The following BEST3 variants were observed in gnomAD, a reference collection of about 807,000 sequenced individuals.
BEST3 encodes the protein bestrophin-3.
Under a neutral mutation model 47.1 loss-of-function variants are expected in BEST3, and 50 were observed. That is an observed-to-expected ratio of 1.06 (90% confidence interval 0.85 to 1.34). The LOEUF (loss-of-function observed/expected upper bound fraction) is 1.34, where lower values mean the gene tolerates loss of function less well. Ranked by LOEUF, BEST3 falls within the 40% of genes most tolerant of loss-of-function variation. The probability of loss-of-function intolerance (pLI) is 0.00; values close to 1 mark genes in which losing one functional copy is unlikely to be tolerated. For missense variants in BEST3, 765 were observed against 817.0 expected (o/e 0.94, Z 0.78); for synonymous variants, 282 against 298.8 (o/e 0.94, Z 0.58).
At chr12:69,682,718 T>C (rs535967624) in intron 4 of BEST3, among the ~76,000 whole-genome samples, 8 of 152,236 alleles carry the variant, frequency 5.3e-5, no homozygotes, top group Non-Finnish European at 1.0e-4. Flanking sequence ...CTGGGTCTAC[T>C]GGCGCATGCC....
chr12:69,682,900 T>G (rs1484656962), intron 4 of BEST3, among the ~76,000 whole-genome samples: 2 of 150,378 alleles, frequency 1.3e-5, no homozygotes, highest in African/African-American at 2.4e-5. Context: ...TGGATGAAGT[T>G]AATAGATAAA....
chr12:69,680,203 A>G (rs1885159388), intron 4 of BEST3, among the ~76,000 whole-genome samples: 1 of 151,888 alleles, frequency 6.6e-6, no homozygotes, highest in African/African-American at 2.4e-5. Flanking sequence ...ACTGAATAAG[A>G]GGAATAAGGT....
chr12:69,673,732 C>T (rs1233808284), intron 7 of BEST3, among the ~76,000 whole-genome samples: 1 of 152,132 alleles, frequency 6.6e-6, no homozygotes, highest in African/African-American at 2.4e-5. Flanking sequence ...GTGTGAGCCA[C>T]TGTGCTTGGC....
intron 9 of BEST3, among the ~76,000 whole-genome samples, chr12:69,656,451 GT>G (rs1883504135): frequency 6.6e-6 from 1 of 151,554 alleles, no homozygotes; most frequent in African/African-American, 2.4e-5. Flanking sequence ...TTAAGGCCAA[GT>G]TTCCCAAGGA....
chr12:69,670,260 A>T, intron 9 of BEST3: 1 of 576,776 alleles, frequency 1.7e-6, no homozygotes, highest in Non-Finnish European at 3.1e-6. Flanking sequence ...GAGGGCAGGG[A>T]TGAGCTCTCT....
chr12:69,655,850 T>A (rs1883457054), intron 9 of BEST3, 37 bp from the exon 10 acceptor site: 1 of 1,551,490 alleles, frequency 6.4e-7, no homozygotes, highest in Admixed American at 1.9e-5. Flanking sequence ...GCAGAGTAGC[T>A]TCGGGGGCCT....
intron 9 of BEST3, chr12:69,670,247 A>G (rs926601089): frequency 3.7e-6 from 2 of 547,890 alleles, no homozygotes; most frequent in Non-Finnish European, 6.5e-6. Context: ...CTGAGAATAC[A>G]CTGAGGGCAG....
chr12:69,680,394 T>A (rs940426350), intron 4 of BEST3, among the ~76,000 whole-genome samples: 1 of 148,282 alleles, frequency 6.7e-6, no homozygotes, highest in Non-Finnish European at 1.5e-5. Flanking sequence ...CTGCAAGCTC[T>A]GCCTCCAGGG....
intron 9 of BEST3, among the ~76,000 whole-genome samples, chr12:69,656,569 G>A (rs1418354492): frequency 1.3e-5 from 2 of 151,936 alleles, no homozygotes; most frequent in South Asian, 4.1e-4. Flanking sequence ...CACCTCCTAT[G>A]CATTGATTCA....
Position 69,680,310 on chromosome 12 carries a change from C to CTTCTTTTTTTTTTTTTTTTTTTTTTTTT in BEST3, c.482-1418_482-1417insAAAAAAAAAAAAAAAAAAAAAAAAAGAA, listed in dbSNP as rs763385722. Among the ~76,000 whole-genome samples the CTTCTTTTTTTTTTTTTTTTTTTTTTTTT allele has an allele frequency of 8.2e-4, 78 of 94,986 alleles. 10 individuals are homozygous for CTTCTTTTTTTTTTTTTTTTTTTTTTTTT. The highest frequency in any genetic ancestry group is 2.6e-3 in the African/African-American group (60 of 23,404). The allele number at this position is 94,986 out of a possible 152,430, so 62.3% of individuals were successfully genotyped here. ...TTAAAACTTACAGTTTACACTTGAT[C>CTTCTTTTTTTTTTTTTTTTTTTTTTTTT]TTTTTTTTTTTTTTTTTAGATGGAG... On this transcript the variant is annotated intron_variant, in intron 4 of 9. Coordinates refer to ENST00000330891, the MANE Select transcript of BEST3 (RefSeq NM_032735.3).
chr12:69,666,758 A>C (rs532624061), intron 9 of BEST3, among the ~76,000 whole-genome samples: 1 of 152,322 alleles, frequency 6.6e-6, no homozygotes, highest in Admixed American at 6.5e-5. Context: ...AATTGCCCAT[A>C]GAGGCCTCAA....
chr12:69,667,382 C>T (rs1183474105), intron 9 of BEST3, among the ~76,000 whole-genome samples: 3 of 152,148 alleles, frequency 2.0e-5, no homozygotes, highest in Admixed American at 2.0e-4. Flanking sequence ...GCAACCTCCT[C>T]TGCCTCCTGG....
intron 4 of BEST3, among the ~76,000 whole-genome samples, chr12:69,690,819 G>A (rs1885895340): frequency 6.6e-6 from 1 of 152,120 alleles, no homozygotes. Flanking sequence ...CTGTCTAGTA[G>A]CATTTTTAAC....
At chr12:69,645,495 G>A (rs536658821) in intron 9 of BEST3, among the ~76,000 whole-genome samples, 1 of 152,310 alleles carries the variant, frequency 6.6e-6, no homozygotes, top group South Asian at 2.1e-4. Flanking sequence ...GGCAGAGGTG[G>A]TTGAGTGGTT....
chr12:69,694,291 A>G, intron 3 of BEST3, 79 bp downstream of exon 3: 3 of 851,650 alleles, frequency 3.5e-6, no homozygotes, highest in Non-Finnish European at 5.4e-6. Context: ...CAGCTTGGAA[A>G]CACTCCCATG....
At chr12:69,648,920 A>G (rs1450354340), downstream of BEST3, among the ~76,000 whole-genome samples, 1 of 152,226 alleles carries the variant, frequency 6.6e-6, no homozygotes, top group African/African-American at 2.4e-5. Flanking sequence ...AGACACATAT[A>G]AAAGCTGAAG....
intron 2 of BEST3, 51 bp downstream of exon 2, chr12:69,697,596 A>G (rs749011731): frequency 3.5e-6 from 5 of 1,438,744 alleles, no homozygotes; most frequent in Admixed American, 2.3e-5. Context: ...TTGAGACTGT[A>G]TCTTACACAA....
chr12:69,663,367 C>A (rs192057914), intron 9 of BEST3, among the ~76,000 whole-genome samples: 18 of 152,270 alleles, frequency 1.2e-4, no homozygotes, highest in Admixed American at 1.1e-3. Flanking sequence ...TTTTATCATG[C>A]ATGTGTTTAT....
chr12:69,671,846 G>A (rs796513), intron 8 of BEST3, among the ~76,000 whole-genome samples: 69,706 of 151,890 alleles, frequency 0.46, 16,446 homozygotes, highest in East Asian at 0.73. Context: ...CTAGAGTGGA[G>A]TTGCCTCTTA....
Sources: allele counts gnomAD v4.1 joint callset (sites outside exome capture counted in the v4.1 genomes callset), GRCh38; gene constraint gnomAD v4.1.1; transcripts MANE v1.5; gene names NCBI Gene and HGNC (gene_info 2026-07-23, HGNC 2026-07-21).